UTRN: variants seen among roughly 807,000 people sequenced by gnomAD.
UTRN encodes the protein dystrophin-related protein 1.
In UTRN, 283 loss-of-function variants were observed where a neutral mutation model predicts 463.9. That is an observed-to-expected ratio of 0.61 (90% confidence interval 0.55 to 0.67). The LOEUF is 0.67. UTRN is among the 30% of genes least tolerant of loss of function. The pLI is 0.00. For synonymous variants in UTRN, 1,442 were observed against 1,431.5 expected (o/e 1.01, Z -0.17); for missense variants, 3,922 against 4,084.3 (o/e 0.96, Z 1.08).
At chr6:144,466,860 GC>G (rs1208954005) in intron 23 of UTRN, among the ~76,000 whole-genome samples, 1 of 152,212 alleles carries the variant, frequency 6.6e-6, no homozygotes, top group African/African-American at 2.4e-5. Context: ...CTATTTTCCA[GC>G]GCTCCTGCCT....
At chr6:144,661,181 G>A (rs1031102291) in intron 51 of UTRN, among the ~76,000 whole-genome samples, 1 of 152,148 alleles carries the variant, frequency 6.6e-6, no homozygotes, top group East Asian at 1.9e-4. Flanking sequence ...TACAAATACT[G>A]TAGAAGCGGG....
intron 23 of UTRN, among the ~76,000 whole-genome samples, chr6:144,469,546 G>C (rs1790294250): frequency 1.3e-5 from 2 of 152,116 alleles, no homozygotes; most frequent in African/African-American, 4.8e-5. Flanking sequence ...CTTTATATGG[G>C]CACACTGTCT....
At chr6:144,842,110 C>CAAAAAAAAAAAAAAAAAA (rs35954430) in intron 73 of UTRN, among the ~76,000 whole-genome samples, 2 of 62,068 alleles carry the variant, frequency 3.2e-5, no homozygotes, top group African/African-American at 4.7e-5. Context: ...ACTTCCTCTC[C>CAAAAAAAAAAAAAAAAAA]AAAAAAAAAA....
Position 144,737,892 on chromosome 6 carries a change from T to C in UTRN, c.7939+7406T>C, listed in dbSNP as rs544920824. ...TAGAAAGTATCACAGTACAACAATC[T>C]CTCATCCTTTGCATTGTTCTTTGTA... On this transcript the variant is annotated intron_variant, in intron 54 of 74. Transcript: ENST00000367545. Among the ~76,000 whole-genome samples, 36 of 152,226 alleles carry C rather than the reference T, an allele frequency of 2.4e-4. No individual in the cohort carries two copies. In the South Asian group the frequency reaches 7.3e-3, roughly 31 times the overall value.
chr6:144,761,418 G>A (rs1341475670), intron 58 of UTRN, among the ~76,000 whole-genome samples: 1 of 152,056 alleles, frequency 6.6e-6, no homozygotes, highest in Non-Finnish European at 1.5e-5. Context: ...TGCTTGGGAG[G>A]CTGAGGCGGG....
Position 144,851,064 on chromosome 6 carries a change from C to G in UTRN, c.*67C>G. 6.2e-7 allele frequency: 1 copy of G among 1,606,430 alleles called. No individual in the cohort carries two copies. The highest frequency in any genetic ancestry group is 1.7e-5 in the Admixed American group (1 of 59,972). Reference sequence around the variant, plus strand: ...TGCCCTTTTCAGCAAATGCCAATTCCAAGTTCCATTAAATCAGAAGCTCCA... The same window carrying G: ...TGCCCTTTTCAGCAAATGCCAATTCGAAGTTCCATTAAATCAGAAGCTCCA... On this transcript the variant is annotated 3_prime_UTR_variant, in exon 75 of 75. Coordinates refer to ENST00000367545, the MANE Select transcript of UTRN (RefSeq NM_007124.3).
intron 2 of UTRN, among the ~76,000 whole-genome samples, chr6:144,383,042 C>T (rs1444376388): frequency 1.3e-5 from 2 of 151,614 alleles, no homozygotes; most frequent in Admixed American, 6.6e-5. Context: ...AGTGATCCTC[C>T]CACCCCACCC....
chr6:144,738,128 T>G (rs973473629), intron 54 of UTRN, among the ~76,000 whole-genome samples: 5 of 152,230 alleles, frequency 3.3e-5, no homozygotes, highest in Non-Finnish European at 7.3e-5. Flanking sequence ...TTTGGCTGGC[T>G]TTTGACTCAT....
At chr6:144,568,140 G>A (rs1450210382) in intron 50 of UTRN, among the ~76,000 whole-genome samples, 1 of 151,838 alleles carries the variant, frequency 6.6e-6, no homozygotes. Flanking sequence ...TCTGTCACCC[G>A]TGGATGTCCT....
At chr6:144,636,821 T>C (rs1044844381) in intron 51 of UTRN, among the ~76,000 whole-genome samples, 1 of 152,202 alleles carries the variant, frequency 6.6e-6, no homozygotes, top group African/African-American at 2.4e-5. Flanking sequence ...CTCTCACTGG[T>C]CTTGTGAAAG....
intron 2 of UTRN, among the ~76,000 whole-genome samples, chr6:144,368,517 A>C (rs1779704306): frequency 6.6e-6 from 1 of 152,180 alleles, no homozygotes; most frequent in African/African-American, 2.4e-5. Flanking sequence ...CAGGCCTGTA[A>C]TCCCAGCGCT....
chr6:144,766,045 A>G (rs1415503825), intron 58 of UTRN, among the ~76,000 whole-genome samples: 1 of 151,488 alleles, frequency 6.6e-6, no homozygotes, highest in Non-Finnish European at 1.5e-5. Context: ...TGAGGAATAT[A>G]TAAGTTATTC....
intron 51 of UTRN, among the ~76,000 whole-genome samples, chr6:144,604,092 T>C (rs547288840): frequency 6.1e-4 from 93 of 152,348 alleles, no homozygotes; most frequent in Non-Finnish European, 3.7e-4. Context: ...TTGATTATGT[T>C]ACTTTCGAGG....
chr6:144,416,188 G>A (rs1212481570), intron 3 of UTRN, among the ~76,000 whole-genome samples: 2 of 152,012 alleles, frequency 1.3e-5, no homozygotes, highest in African/African-American at 4.8e-5. Context: ...TGCAGAAATT[G>A]CTCATCGGTC....
chr6:144,587,212 T>C (rs1009931732), intron 51 of UTRN, among the ~76,000 whole-genome samples: 6 of 152,210 alleles, frequency 3.9e-5, no homozygotes, highest in Non-Finnish European at 1.5e-5. Context: ...CTAGGGGGCT[T>C]GAGCTTTCAG....
chr6:144,747,937 G>T (rs925584407), intron 54 of UTRN, among the ~76,000 whole-genome samples: 1 of 152,202 alleles, frequency 6.6e-6, no homozygotes, highest in Non-Finnish European at 1.5e-5. Context: ...AAGAAAAATT[G>T]GTTTATTTCT....
chr6:144,400,311 T>C (rs1782825760), intron 2 of UTRN, among the ~76,000 whole-genome samples: 1 of 152,184 alleles, frequency 6.6e-6, no homozygotes, highest in African/African-American at 2.4e-5. Flanking sequence ...GAAGTTAAAA[T>C]AACGAATTGG....
chr6:144,579,389 T>C (rs2128625686), intron 51 of UTRN, among the ~76,000 whole-genome samples: 1 of 61,790 alleles, frequency 1.6e-5, no homozygotes. Flanking sequence ...TATGCAATGG[T>C]TTAATTTCAG....
At chr6:144,565,442 C>G (rs917297147) in intron 50 of UTRN, among the ~76,000 whole-genome samples, 3 of 151,968 alleles carry the variant, frequency 2.0e-5, no homozygotes, top group Non-Finnish European at 2.9e-5. Context: ...GATGAGATCA[C>G]CAGGGAAGGA....
Sources: allele counts gnomAD v4.1 joint callset (sites outside exome capture counted in the v4.1 genomes callset), GRCh38; gene constraint gnomAD v4.1.1; transcripts MANE v1.5; gene names NCBI Gene and HGNC (gene_info 2026-07-23, HGNC 2026-07-21).